Variants in CPQ observed in about 807,000 individuals in gnomAD.
CPQ encodes the protein carboxypeptidase Q.
In CPQ, 37 loss-of-function variants were observed where a neutral mutation model predicts 45.7. That is an observed-to-expected ratio of 0.81 (90% CI 0.62 to 1.07). The LOEUF (loss-of-function observed/expected upper bound fraction) is 1.07. Among genes scored for constraint, CPQ ranks in the 50% least tolerant of loss-of-function variants. The pLI, the probability that CPQ is intolerant of heterozygous loss-of-function variation, is 0.00. For synonymous variants in CPQ, 186 were observed against 205.8 expected (o/e 0.90, Z 0.82); for missense variants, 537 against 572.9 (o/e 0.94, Z 0.64).
intron 5 of CPQ, among the ~76,000 whole-genome samples, chr8:97,024,565 T>C (rs996284369): frequency 7.9e-5 from 12 of 152,222 alleles, no homozygotes; most frequent in African/African-American, 2.2e-4. Context: ...TTTACTTCAC[T>C]AAAATAATTA....
At chr8:96,868,374 A>G (rs2130872231) in intron 3 of CPQ, among the ~76,000 whole-genome samples, 1 of 152,192 alleles carries the variant, frequency 6.6e-6, no homozygotes, top group Admixed American at 6.5e-5. Flanking sequence ...TCACATCTGT[A>G]AATTATGTGG....
chr8:97,011,288 A>C (rs1809480412), intron 5 of CPQ, among the ~76,000 whole-genome samples: 1 of 152,194 alleles, frequency 6.6e-6, no homozygotes, highest in African/African-American at 2.4e-5. Flanking sequence ...TCTCACCCAC[A>C]CCAACCAAAC....
chr8:96,648,026 A>G (rs533195968), intron 1 of CPQ, among the ~76,000 whole-genome samples: 3 of 152,320 alleles, frequency 2.0e-5, no homozygotes, highest in South Asian at 2.1e-4. Flanking sequence ...AACAATGCCT[A>G]CATCTGTGTA....
chr8:96,802,372 A>T (rs540222717), intron 2 of CPQ, among the ~76,000 whole-genome samples: 6 of 152,334 alleles, frequency 3.9e-5, no homozygotes, highest in Admixed American at 3.9e-4. Context: ...GTAGCTTCAT[A>T]ACAGTAAAGA....
intron 1 of CPQ, among the ~76,000 whole-genome samples, chr8:96,766,555 G>C (rs1438220365): frequency 6.6e-6 from 1 of 152,186 alleles, no homozygotes; most frequent in Non-Finnish European, 1.5e-5. Flanking sequence ...CCCTGTGCAT[G>C]TGTCAGGGGC....
intron 5 of CPQ, among the ~76,000 whole-genome samples, chr8:97,027,432 G>A (rs925626212): frequency 3.3e-5 from 5 of 152,140 alleles, no homozygotes; most frequent in Non-Finnish European, 7.3e-5. Flanking sequence ...CCAATTACAT[G>A]CCAGCCCCAG....
intron 1 of CPQ, among the ~76,000 whole-genome samples, chr8:96,673,463 C>A (rs1282914781): frequency 6.6e-6 from 1 of 152,058 alleles, no homozygotes; most frequent in East Asian, 1.9e-4. Flanking sequence ...TGTGACCAGC[C>A]TGATTGGTGG....
At position 96,824,755 on chromosome 8, in the gene CPQ, C is replaced by T. The variant is rs537898617; in HGVS notation, c.434-10218C>T. Among the ~76,000 whole-genome samples the T allele has an allele frequency of 2.6e-5, 4 of 152,002 alleles. No homozygotes were observed. In the East Asian group the frequency reaches 7.8e-4, roughly 30 times the overall value. On this transcript the variant is annotated intron_variant, in intron 2 of 7. Coordinates refer to ENST00000220763, the MANE Select transcript of CPQ (RefSeq NM_016134.4). ...AATTATTACTGTTGTTAAATGGATG[C>T]CTGGTTTTCTTAATTGGTAGCTCAT...
At chr8:97,013,937 T>C (rs1207449499) in intron 5 of CPQ, among the ~76,000 whole-genome samples, 3 of 152,230 alleles carry the variant, frequency 2.0e-5, no homozygotes, top group Admixed American at 6.5e-5. Context: ...GTTGTATATG[T>C]GTCATTTATA....
intron 6 of CPQ, among the ~76,000 whole-genome samples, chr8:97,053,216 C>A (rs769201542): frequency 2.6e-5 from 4 of 152,154 alleles, no homozygotes; most frequent in Non-Finnish European, 5.9e-5. Context: ...TTACTGAGAG[C>A]CTACTAAGTG....
At chr8:97,123,177 TATAAAATAAA>T (rs1182362136) in intron 7 of CPQ, among the ~76,000 whole-genome samples, 7 of 23,732 alleles carry the variant, frequency 2.9e-4, no homozygotes, top group Non-Finnish European at 5.7e-4. Flanking sequence ...TAAAATAAAA[TATAAAATAAA>T]ATAAAATAAA....
intron 1 of CPQ, among the ~76,000 whole-genome samples, chr8:96,747,290 CAA>C (rs397891702): frequency 0.11 from 10,519 of 96,674 alleles, 411 homozygotes; most frequent in African/African-American, 0.19. Context: ...ATCTTTGTCT[CAA>C]AAAAAAAAAA....
intron 4 of CPQ, among the ~76,000 whole-genome samples, chr8:96,946,284 T>A (rs558006766): frequency 1.3e-5 from 2 of 152,266 alleles, no homozygotes; most frequent in South Asian, 4.1e-4. Context: ...AAAACAAAAT[T>A]ATTTGATAAT....
intron 7 of CPQ, among the ~76,000 whole-genome samples, chr8:97,129,737 T>C (rs1171292894): frequency 6.6e-6 from 1 of 152,138 alleles, no homozygotes; most frequent in Admixed American, 6.5e-5. Context: ...CTGCAGAATC[T>C]CAAGTAGTTT....
At chr8:96,727,617 C>T (rs1319209387) in intron 1 of CPQ, among the ~76,000 whole-genome samples, 4 of 152,166 alleles carry the variant, frequency 2.6e-5, no homozygotes, top group Non-Finnish European at 2.9e-5. Context: ...AACTCTTAGG[C>T]CTCCCTGACT....
intron 7 of CPQ, among the ~76,000 whole-genome samples, chr8:97,097,076 T>G (rs902682166): frequency 3.3e-5 from 5 of 152,230 alleles, no homozygotes; most frequent in African/African-American, 1.2e-4. Context: ...TATAGAGTTG[T>G]GCTGCTCCTG....
In CPQ at chr8:96,868,271, T is replaced by G. The variant is rs545804321; in HGVS notation, c.642-11527T>G. 5.3e-5 allele frequency among the ~76,000 whole-genome samples: 8 copies of G among 152,186 alleles called. No homozygotes were observed. The East Asian group carries it at 1.5e-3, about 29-fold the overall frequency. ...GGGCTGTTTGTTATCAGTGAATAAG[T>G]TTGCCTGTCTTAACTGATAACACCA... is the stretch of plus-strand genomic sequence containing the variant. On this transcript the variant is annotated intron_variant, in intron 3 of 7. Coordinates refer to ENST00000220763, the MANE Select transcript of CPQ (RefSeq NM_016134.4).
chr8:96,932,299 T>C (rs1052279032), intron 4 of CPQ, among the ~76,000 whole-genome samples: 10 of 152,238 alleles, frequency 6.6e-5, no homozygotes, highest in Non-Finnish European at 1.5e-4. Flanking sequence ...ATTATTCCTA[T>C]GTGCATTTTG....
At chr8:97,085,772 G>T (rs1372866477) in intron 7 of CPQ, among the ~76,000 whole-genome samples, 1 of 152,144 alleles carries the variant, frequency 6.6e-6, no homozygotes, top group East Asian at 1.9e-4. Context: ...TTGTTTAACG[G>T]CTGAAAGAAG....
Sources: gnomAD v4.1 joint callset for allele counts (sites outside exome capture counted in the v4.1 genomes callset) on GRCh38, gnomAD v4.1.1 for gene constraint, MANE v1.5 for transcripts, NCBI Gene and HGNC (gene_info 2026-07-23, HGNC 2026-07-21) for gene names.